PLXNC1: variants seen among roughly 807,000 people sequenced by gnomAD.
PLXNC1 encodes the protein plexin-C1.
Under a neutral mutation model 178.2 loss-of-function variants are expected in PLXNC1, and 75 were observed. That is an observed-to-expected ratio of 0.42 (90% CI 0.35 to 0.51). The LOEUF (loss-of-function observed/expected upper bound fraction) is 0.51. Ranked by LOEUF, PLXNC1 falls within the 20% of genes least tolerant of loss-of-function variation. PLXNC1 has a pLI of 0.02. For missense variants in PLXNC1, 1,503 were observed against 1,984.4 expected (o/e 0.76, Z 4.61); for synonymous variants, 790 against 779.9 (o/e 1.01, Z -0.22).
At position 94,260,444 on chromosome 12, in the gene PLXNC1, C is replaced by A. The variant is rs1363481585; in HGVS notation, c.3252-198C>A. On this transcript the variant is annotated intron_variant, in intron 19 of 30. Coordinates refer to ENST00000258526, the MANE Select transcript of PLXNC1 (RefSeq NM_005761.3). This position sits in a 1 kb window ranked among gnomAD's most constrained non-coding sequence, Gnocchi z 4.4. The stretch of plus-strand genomic sequence containing the variant: ...TTGGAAGACTCACATCTTGTTACCA[C>A]TCTAGTTTAAATGCTGAAAACACAG... 2.0e-5 allele frequency among the ~76,000 whole-genome samples: 3 copies of A among 151,342 alleles called. No individual in the cohort carries two copies. The East Asian group carries it at 5.8e-4, about 29-fold the overall frequency.
At chr12:94,267,805 C>T (rs191612922) in intron 21 of PLXNC1, among the ~76,000 whole-genome samples, 45 of 152,178 alleles carry the variant, frequency 3.0e-4, no homozygotes, top group Admixed American at 1.6e-3. Context: ...CAGCCTGAAC[C>T]ACCATATTTC....
Position 94,186,150 on chromosome 12 carries a change from T to C in PLXNC1, c.1339-223T>C, listed in dbSNP as rs1432990537. ...TGCCCCCAGACTTAGCGAGAGTCTC[T>C]GCGGCAGAGGCCTGGGAATACGCAC... On this transcript the variant is annotated intron_variant, in intron 3 of 30. Transcript: ENST00000258526. 2.9e-5 allele frequency: 13 copies of C among 448,558 alleles called. No homozygotes were observed. In the Admixed American group the frequency reaches 4.4e-4, roughly 15 times the overall value. The allele number at this position is 448,558 out of a possible 1,614,324, so 27.8% of individuals were successfully genotyped here.
chr12:94,165,945 C>A (rs1159718663), intron 1 of PLXNC1, among the ~76,000 whole-genome samples: 1 of 151,992 alleles, frequency 6.6e-6, no homozygotes, highest in African/African-American at 2.4e-5. Flanking sequence ...AATGAGGAAA[C>A]TTATTCCCAG....
In PLXNC1 at chr12:94,228,150, A is replaced by T. The variant is rs75796300; in HGVS notation, c.1980+915A>T. On this transcript the variant is annotated intron_variant, in intron 9 of 30. Transcript: ENST00000258526. ...AAAAGTTTATAGTAACTTCAGGTGAATTAACAACCAGGCAGAGGGAATATG... is the reference window on the plus strand; with the variant it reads ...AAAAGTTTATAGTAACTTCAGGTGATTTAACAACCAGGCAGAGGGAATATG... Among the ~76,000 whole-genome samples, 41 of 152,378 alleles carry T rather than the reference A, an allele frequency of 2.7e-4. No homozygotes were observed. In the East Asian group the frequency reaches 5.2e-3, roughly 19 times the overall value.
intron 4 of PLXNC1, among the ~76,000 whole-genome samples, chr12:94,200,718 C>G (rs973093183): frequency 1.3e-5 from 2 of 152,098 alleles, no homozygotes; most frequent in African/African-American, 2.4e-5. Flanking sequence ...TTTTAAATGG[C>G]TCCCCTAAAT....
chr12:94,194,854 C>T lies in PLXNC1; in HGVS notation c.1439+8381C>T, dbSNP rs562616876. Among the ~76,000 whole-genome samples the T allele has an allele frequency of 1.2e-4, 18 of 152,228 alleles. 1 individual carries two copies. The highest frequency in any genetic ancestry group is 5.9e-4 in the Admixed American group (9 of 15,294). ...CCAGTGCCTGGCTCCTGGTAGGCAA[C>T]GAAGTTGTGTCAACTGTCATTTGGT... On this transcript the variant is annotated intron_variant, in intron 4 of 30. Coordinates refer to ENST00000258526, the MANE Select transcript of PLXNC1 (RefSeq NM_005761.3).
At position 94,186,444 on chromosome 12, in the gene PLXNC1, T is replaced by C; in HGVS notation, c.1410T>C (p.Pro470=). Residue 470 remains proline, a synonymous_variant, in exon 4 of 31, where the codon CCT becomes CCC. Coordinates refer to ENST00000258526, the MANE Select transcript of PLXNC1 (RefSeq NM_005761.3). ...SCSECLTATD[P]HCGWCHSLQR... is the part of the protein sequence containing the mutation. ...CGGAGTGTTTAACAGCCACAGACCCTCACTGCGGTTGGTGCCATTCGCTAC... is the reference window on the plus strand; with the variant it reads ...CGGAGTGTTTAACAGCCACAGACCCCCACTGCGGTTGGTGCCATTCGCTAC... 2.5e-6 allele frequency: 4 copies of C among 1,613,538 alleles called. No homozygotes were observed. Among genetic ancestry groups the C allele is most frequent in the Non-Finnish European group, 3.4e-6 (4 of 1,179,390 alleles).
intron 21 of PLXNC1, among the ~76,000 whole-genome samples, chr12:94,271,277 C>T (rs12231028): frequency 0.15 from 22,283 of 152,134 alleles, 2,287 homozygotes; most frequent in African/African-American, 0.29. Context: ...TATAAGGTAT[C>T]ACAGAAAGGA....
At chr12:94,254,759 C>T (rs1285345866) in intron 15 of PLXNC1, 28 bp from the exon 16 acceptor site, 2 of 1,517,178 alleles carry the variant, frequency 1.3e-6, no homozygotes, top group African/African-American at 2.8e-5. Flanking sequence ...TTACCATGTC[C>T]CTCTGATGCA....
chr12:94,268,002 T>C (rs7487372), intron 21 of PLXNC1, among the ~76,000 whole-genome samples: 151,746 of 152,214 alleles, frequency 1, 75,640 homozygotes, highest in Middle Eastern at 1. Flanking sequence ...GCTGGGGAGG[T>C]GGGAGGTTGG....
At chr12:94,186,511 G>T (rs1312617326) in intron 4 of PLXNC1, 38 bp downstream of exon 4, 1 of 1,349,854 alleles carries the variant, frequency 7.4e-7, no homozygotes, top group Non-Finnish European at 1.1e-6. Context: ...TCGCATTTTT[G>T]AAAAAGTGTC....
intron 12 of PLXNC1, among the ~76,000 whole-genome samples, chr12:94,247,178 C>T (rs2136062071): frequency 6.6e-6 from 1 of 152,248 alleles, no homozygotes; most frequent in African/African-American, 2.4e-5. Context: ...TCCCACAGCG[C>T]TGGGATTACA....
chr12:94,194,707 T>C (rs946654525), intron 4 of PLXNC1, among the ~76,000 whole-genome samples: 9 of 152,198 alleles, frequency 5.9e-5, no homozygotes, highest in Non-Finnish European at 2.9e-5. Flanking sequence ...TGAGCCGTGA[T>C]TGTACCACTG....
chr12:94,170,172 G>A (rs1961788522), intron 2 of PLXNC1, among the ~76,000 whole-genome samples: 1 of 152,130 alleles, frequency 6.6e-6, no homozygotes, highest in Admixed American at 6.5e-5. Flanking sequence ...TCCCTCAACT[G>A]ATCTCCCACA....
rs1000567389 is a variant in PLXNC1, at chr12:94,149,274, C to G, written c.303C>G (p.Pro101=). Residue 101 remains proline (P), a synonymous_variant, in exon 1 of 31, where the codon CCC becomes CCG. Transcript: ENST00000258526. ...TGGCGCCCCCCGCGCGGCCCCGGCC[C>G]GGGAGCAGCTTCAGCAAGCTGCTGC... ...VSLAPPARPR[P]GSSFSKLLLP... 11 of 1,521,476 alleles carry G rather than the reference C, an allele frequency of 7.2e-6. No homozygotes were observed. Among genetic ancestry groups the G allele is most frequent in the Non-Finnish European group, 8.7e-6 (10 of 1,143,894 alleles). The allele number at this position is 1,521,476 out of a possible 1,614,324, so 94.2% of individuals were successfully genotyped here.
chr12:94,157,536 A>G (rs1324373712), intron 1 of PLXNC1, among the ~76,000 whole-genome samples: 2 of 152,198 alleles, frequency 1.3e-5, no homozygotes, highest in South Asian at 2.1e-4. Context: ...TTAATTTTCT[A>G]TCTTGATGAA....
intron 4 of PLXNC1, among the ~76,000 whole-genome samples, chr12:94,195,381 T>G (rs2135981540): frequency 6.6e-6 from 1 of 152,184 alleles, no homozygotes; most frequent in South Asian, 2.1e-4. Flanking sequence ...ACCTCCCCAC[T>G]GGGAGAGGTA....
At chr12:94,238,783 C>A (rs939993282) in intron 10 of PLXNC1, among the ~76,000 whole-genome samples, 25 of 152,154 alleles carry the variant, frequency 1.6e-4, no homozygotes, top group African/African-American at 6.0e-4. Context: ...CTGCCATGCC[C>A]TTCCCCTCAT....
intron 23 of PLXNC1, among the ~76,000 whole-genome samples, chr12:94,289,721 C>A (rs1163434580): frequency 1.3e-5 from 2 of 152,174 alleles, no homozygotes; most frequent in African/African-American, 2.4e-5. Flanking sequence ...AAACGGAAAC[C>A]TTTCCCCCAC....
Sources: allele counts gnomAD v4.1 joint callset (sites outside exome capture counted in the v4.1 genomes callset), GRCh38; gene constraint gnomAD v4.1.1; non-coding constraint Gnocchi (gnomAD v3.1); transcripts MANE v1.5; gene names NCBI Gene and HGNC (gene_info 2026-07-23, HGNC 2026-07-21).